The following PRMT5 variants were observed in gnomAD, a reference collection of about 807,000 sequenced individuals.
PRMT5 encodes protein arginine N-methyltransferase 5.
A neutral mutation model predicts 84.0 loss-of-function variants in PRMT5; 15 were observed. The observed-to-expected ratio is 0.18, with a 90% confidence interval of 0.12 to 0.28. The LOEUF is 0.28. Among genes scored for constraint, PRMT5 ranks in the 10% least tolerant of loss-of-function variants. PRMT5 has a pLI of 1.00. For missense variants in PRMT5, 486 were observed against 808.0 expected (o/e 0.60, Z 4.83); for synonymous variants, 276 against 292.4 (o/e 0.94, Z 0.57).
chr14:22,923,450 C>T lies in PRMT5; in HGVS notation c.1376-290G>A, dbSNP rs1253369960. On this transcript the variant is annotated intron_variant, in intron 12 of 16. Coordinates refer to ENST00000324366, the MANE Select transcript of PRMT5 (RefSeq NM_006109.5). This position sits in a 1 kb window ranked among gnomAD's most constrained non-coding sequence, Gnocchi z 5.2. ...TTAACTTTTGTGGGGTCACAAAGTC[C>T]CACAAAAGTTCCTGATGAAAGCTAA... 8.2e-6 allele frequency: 2 copies of T among 242,950 alleles called. No individual in the cohort carries two copies. The highest frequency in any genetic ancestry group is 1.6e-4 in the East Asian group (2 of 12,482). The allele number at this position is 242,950 out of a possible 1,614,324, so 15.0% of individuals were successfully genotyped here.
chr14:22,929,330 C>A lies in PRMT5; in HGVS notation c.32G>T (p.Gly11Val). 1 of 1,611,692 alleles carries A rather than the reference C, an allele frequency of 6.2e-7. No homozygotes were observed. Among genetic ancestry groups the A allele is most frequent in the Non-Finnish European group, 8.5e-7 (1 of 1,179,454 alleles). ...GTCCCTCCCGCTGGACACGCGGCTCCCACCAGCACCCCCGACCGCCATCGC... is the reference window on the plus strand; with the variant it reads ...GTCCCTCCCGCTGGACACGCGGCTCACACCAGCACCCCCGACCGCCATCGC... MAAMAVGGAG[G>V]SRVSSGRDLN... Residue 11 changes from glycine to valine, a missense_variant, in exon 1 of 17, where the codon GGG becomes GTG. Gly to Val is a moderately radical substitution (Grantham distance 109). Transcript: ENST00000324366.
chr14:22,921,105 A>G (rs1328918989), intron 16 of PRMT5, 49 bp from the exon 17 acceptor site: 5 of 1,601,366 alleles, frequency 3.1e-6, no homozygotes, highest in East Asian at 2.2e-5. Context: ...TGAATTATAC[A>G]TGGCAATGTA....
Position 22,929,375 on chromosome 14 carries a change from C to T in PRMT5, c.-14G>A, listed in dbSNP as rs945459436. The T allele has an allele frequency of 6.2e-6, 10 of 1,600,248 alleles. No homozygotes were observed. Among genetic ancestry groups the T allele is most frequent in the African/African-American group, 1.3e-5 (1 of 74,750 alleles). On this transcript the variant is annotated 5_prime_UTR_variant, in exon 1 of 17. Coordinates refer to ENST00000324366, the MANE Select transcript of PRMT5 (RefSeq NM_006109.5). ...CATCGCCGCCATCTTTCTCCTCGCGCTGTCCACGCCGGGATTCCTTGATAC... is the reference window on the plus strand; with the variant it reads ...CATCGCCGCCATCTTTCTCCTCGCGTTGTCCACGCCGGGATTCCTTGATAC...
Position 22,928,538 on chromosome 14 carries a change from G to A in PRMT5, c.188C>T (p.Pro63Leu), listed in dbSNP as rs1358325471. The A allele has an allele frequency of 1.2e-6, 2 of 1,613,892 alleles. No homozygotes were observed. The highest frequency in any genetic ancestry group is 1.7e-6 in the Non-Finnish European group (2 of 1,179,910). ...TAGGTCTGATCGTGTCTGGGGACCG[G>A]GCCGATTCTTAGCAGGTTCCTGAAT... The part of the protein sequence containing the change: ...EFIQEPAKNR[P>L]GPQTRSDLLL... Residue 63 changes from proline to leucine, a missense_variant, in exon 2 of 17, where the codon CCC becomes CTC. Pro to Leu is a moderately conservative substitution (Grantham distance 98, BLOSUM62 -3). Transcript: ENST00000324366. The surrounding 1 kb of genome is among the most constrained non-coding windows in gnomAD (Gnocchi z 4.8).
Position 22,924,043 on chromosome 14 carries a change from G to C in PRMT5, c.1340C>G (p.Pro447Arg), listed in dbSNP as rs1307538147. ...GTGCTGGGCTCCATCCAGGCACTCA[G>C]GCGACAATTCATTGTCAGCAAATGA... ...LGSFADNELSPECLDGAQHFL... is the reference protein window; with the variant it reads ...LGSFADNELSRECLDGAQHFL... The change falls in exon 12 of 17, where the codon CCT (proline) becomes CGT (arginine). Residue 447 changes from proline (P) to arginine (R), a missense_variant. Coordinates refer to ENST00000324366, the MANE Select transcript of PRMT5 (RefSeq NM_006109.5). This position sits in a 1 kb window ranked among gnomAD's most constrained non-coding sequence, Gnocchi z 6.5. 1.3e-6 allele frequency: 2 copies of C among 1,590,858 alleles called. No homozygotes were observed. Among genetic ancestry groups the C allele is most frequent in the Non-Finnish European group, 1.7e-6 (2 of 1,169,644 alleles).
chr14:22,928,272 A>G lies in PRMT5; in HGVS notation c.230-61T>C, dbSNP rs751128662. On this transcript the variant is annotated intron_variant, in intron 2 of 16. Coordinates refer to ENST00000324366, the MANE Select transcript of PRMT5 (RefSeq NM_006109.5). This position sits in a 1 kb window ranked among gnomAD's most constrained non-coding sequence, Gnocchi z 4.8. ...TAAGGTTCAGCACTTTACTTGTTCAATTTTTAGTTTTGGGAATCAAGAGTA... is the reference window on the plus strand; with the variant it reads ...TAAGGTTCAGCACTTTACTTGTTCAGTTTTTAGTTTTGGGAATCAAGAGTA... The G allele has an allele frequency of 1.9e-6, 3 of 1,562,096 alleles. No individual in the cohort carries two copies. The highest frequency in any genetic ancestry group is 2.3e-5 in the South Asian group (2 of 88,596).
In PRMT5 at chr14:22,928,202, G is replaced by A. The variant is rs2044469095; in HGVS notation, c.239C>T (p.Thr80Met). 1.9e-6 allele frequency: 3 copies of A among 1,614,002 alleles called. No individual in the cohort carries two copies. The highest frequency in any genetic ancestry group is 1.3e-5 in the African/African-American group (1 of 74,986). ...DLLLSGRDWN[T>M]LIVGKLSPWI... ...TGGAGAAAGCTTTCCCACAATTAGCGTATTCCAGTCTGCACTCCCCCACCC... is the reference window on the plus strand; with the variant it reads ...TGGAGAAAGCTTTCCCACAATTAGCATATTCCAGTCTGCACTCCCCCACCC... Residue 80 changes from threonine (T) to methionine (M), a missense_variant, in exon 3 of 17, where the codon ACG (threonine) becomes ATG (methionine). Physicochemically the swap from Thr to Met is moderately conservative, Grantham distance 81. Coordinates refer to ENST00000324366, the MANE Select transcript of PRMT5 (RefSeq NM_006109.5). This position sits in a 1 kb window ranked among gnomAD's most constrained non-coding sequence, Gnocchi z 4.8.
At position 22,924,138 on chromosome 14, in the gene PRMT5, T is replaced by C. The variant is rs772995180; in HGVS notation, c.1245A>G (p.Val415=). The change falls in exon 12 of 17, where the codon GTA becomes GTG. Residue 415 remains valine (V), a synonymous_variant. Coordinates refer to ENST00000324366, the MANE Select transcript of PRMT5 (RefSeq NM_006109.5). This position sits in a 1 kb window ranked among gnomAD's most constrained non-coding sequence, Gnocchi z 6.5. ...CCCATTCCCTCATGTCTGATGAGAC[T>C]ACGGTCACTTGGCTTCCCCATTCTT... The part of the protein sequence containing the change: ...QFEEWGSQVT[V]VSSDMREWVA... The C allele has an allele frequency of 6.2e-7, 1 of 1,613,024 alleles. No homozygotes were observed. The highest frequency in any genetic ancestry group is 1.1e-5 in the South Asian group (1 of 90,962).
At position 22,922,728 on chromosome 14, in the gene PRMT5, A is replaced by G. The variant is rs781035737; in HGVS notation, c.1579+14T>C. ...GTACCCCTCTAGTCAGAGGACAGCC[A>G]TAAAAGAACCTACCTCTGTTGGGAT... On this transcript the variant is annotated intron_variant, in intron 14 of 16. Coordinates refer to ENST00000324366, the MANE Select transcript of PRMT5 (RefSeq NM_006109.5). 20 of 1,612,324 alleles carry G rather than the reference A, an allele frequency of 1.2e-5. No individual in the cohort carries two copies. The highest frequency in any genetic ancestry group is 3.3e-4 in the Middle Eastern group (2 of 6,056).
Position 22,920,804 on chromosome 14 carries a change from G to A in PRMT5, c.*100C>T. On this transcript the variant is annotated 3_prime_UTR_variant, in exon 17 of 17. Coordinates refer to ENST00000324366, the MANE Select transcript of PRMT5 (RefSeq NM_006109.5). ...GCAGATTGAAATGCTCCTCTCTGAT[G>A]GGCAAGGGGAATCACAGCCCATAGA... 6.6e-7 allele frequency: 1 copy of A among 1,509,794 alleles called. No homozygotes were observed. The highest frequency in any genetic ancestry group is 9.2e-7 in the Non-Finnish European group (1 of 1,085,576). The allele number at this position is 1,509,794 out of a possible 1,614,324, so 93.5% of individuals were successfully genotyped here. A position where few individuals can be genotyped will look rare whatever the true frequency, so the allele number is the denominator to read the frequency against.
At chr14:22,921,201 A>T in intron 16 of PRMT5, 145 bp from the exon 17 acceptor site, 1 of 1,015,632 alleles carries the variant, frequency 9.8e-7, no homozygotes, top group East Asian at 2.6e-5. Flanking sequence ...TCAGAACACA[A>T]ATAATCAAAG....
chr14:22,927,618 G>A lies in PRMT5; in HGVS notation c.358C>T (p.Pro120Ser), dbSNP rs373616180. 2 of 1,613,904 alleles carry A rather than the reference G, an allele frequency of 1.2e-6. No homozygotes were observed. The highest frequency in any genetic ancestry group is 2.2e-5 in the East Asian group (1 of 44,872). ...ELNFGAYLGLPAFLLPLNQED... is the reference protein window; with the variant it reads ...ELNFGAYLGLSAFLLPLNQED... The stretch of plus-strand genomic sequence containing the variant: ...TGATTAAGGGGCAGCAGGAAAGCTG[G>A]AAGACCCAAATATGCACCAAAATTC... Residue 120 changes from proline to serine, a missense_variant, in exon 4 of 17, where the codon CCA becomes TCA. Physicochemically the swap from Pro to Ser is moderately conservative, Grantham distance 74. Transcript: ENST00000324366.
chr14:22,927,758 A>C (rs905166172), intron 3 of PRMT5, 98 bp from the exon 4 acceptor site: 3 of 1,401,280 alleles, frequency 2.1e-6, no homozygotes, highest in Non-Finnish European at 2.9e-6. Flanking sequence ...CCCAGGCTGG[A>C]GTGCAGTGGC....
chr14:22,926,668 T>G, intron 5 of PRMT5, 34 bp downstream of exon 5: 1 of 1,605,954 alleles, frequency 6.2e-7, no homozygotes, highest in East Asian at 2.2e-5. Flanking sequence ...ACCCTATCCC[T>G]TGCACCCTGG....
In PRMT5 at chr14:22,928,059, G is replaced by T; in HGVS notation, c.315+67C>A. Reference sequence around the variant, plus strand: ...GTTAATTTACCAAGTTATTGGGGATGGGAGGGGACCACTCTCCCCACCCAG... The same window carrying T: ...GTTAATTTACCAAGTTATTGGGGATTGGAGGGGACCACTCTCCCCACCCAG... On this transcript the variant is annotated intron_variant, in intron 3 of 16. Transcript: ENST00000324366. The surrounding 1 kb of genome is among the most constrained non-coding windows in gnomAD (Gnocchi z 4.8). 4 of 1,353,828 alleles carry T rather than the reference G, an allele frequency of 3.0e-6. No individual in the cohort carries two copies. Among genetic ancestry groups the T allele is most frequent in the South Asian group, 2.5e-5 (2 of 80,194 alleles). The allele number at this position is 1,353,828 out of a possible 1,614,324, so 83.9% of individuals were successfully genotyped here.
chr14:22,927,271 TGTTTTG>T (rs1167279908), intron 4 of PRMT5, among the ~76,000 whole-genome samples: 9 of 145,948 alleles, frequency 6.2e-5, no homozygotes, highest in South Asian at 4.3e-4. Flanking sequence ...TTTTTGTTTT[TGTTTTG>T]GTTTTGGTTT....
Position 22,925,612 on chromosome 14 carries a change from G to A in PRMT5, c.777+521C>T, listed in dbSNP as rs191053378. ...AGGCGGGTGGATCATTTGAGGTCAG[G>A]CGTTCAAGACCAGCCTGGCCAACAT... On this transcript the variant is annotated intron_variant, in intron 7 of 16. Coordinates refer to ENST00000324366, the MANE Select transcript of PRMT5 (RefSeq NM_006109.5). Among the ~76,000 whole-genome samples the A allele has an allele frequency of 9.9e-5, 15 of 152,048 alleles. No individual in the cohort carries two copies. In the East Asian group the frequency reaches 2.9e-3, roughly 30 times the overall value.
Position 22,928,611 on chromosome 14 carries a change from C to T in PRMT5, c.115G>A (p.Asp39Asn). 4 of 1,608,796 alleles carry T rather than the reference C, an allele frequency of 2.5e-6. No individual in the cohort carries two copies. Among genetic ancestry groups the T allele is most frequent in the Non-Finnish European group, 3.4e-6 (4 of 1,175,182 alleles). ...TLGAVAKQGF[D>N]FLCMPVFHPR... is the part of the protein sequence containing the mutation. ...TGGAAGACAGGCATGCAGAGGAAAT[C>T]AAACCTACAACCGCGACAGACCCAG... Residue 39 changes from aspartate (D) to asparagine (N), a missense_variant, in exon 2 of 17, where the codon GAT becomes AAT. By Grantham distance (23) the Asp-to-Asn change is conservative. Coordinates refer to ENST00000324366, the MANE Select transcript of PRMT5 (RefSeq NM_006109.5). The surrounding 1 kb of genome is among the most constrained non-coding windows in gnomAD (Gnocchi z 4.8).
chr14:22,927,633 C>T lies in PRMT5; in HGVS notation c.343G>A (p.Ala115Thr), dbSNP rs1188199418. ...AGGAAAGCTGGAAGACCCAAATATG[C>T]ACCAAAATTCAGCTCCTGTAACATG... is the stretch of plus-strand genomic sequence containing the variant. ...AAMLQELNFG[A>T]YLGLPAFLLP... Residue 115 changes from alanine (A) to threonine (T), a missense_variant, in exon 4 of 17, where the codon GCA (alanine) becomes ACA (threonine). By Grantham distance (58) the Ala-to-Thr change is moderately conservative. Transcript: ENST00000324366. The T allele has an allele frequency of 1.2e-6, 2 of 1,613,508 alleles. No individual in the cohort carries two copies. The highest frequency in any genetic ancestry group is 2.7e-5 in the African/African-American group (2 of 74,768).
Sources: gnomAD v4.1 joint callset for allele counts (sites outside exome capture counted in the v4.1 genomes callset) on GRCh38, gnomAD v4.1.1 for gene constraint, Gnocchi (gnomAD v3.1) non-coding constraint, MANE v1.5 for transcripts, NCBI Gene and HGNC (gene_info 2026-07-23, HGNC 2026-07-21) for gene names.